TYW1: variants seen among roughly 807,000 people sequenced by gnomAD.
TYW1 encodes the protein S-adenosyl-L-methionine-dependent tRNA 4-demethylwyosine synthase TYW1.
In TYW1, 46 loss-of-function variants were observed where a neutral mutation model predicts 96.2. That is an observed-to-expected ratio of 0.48 (90% CI 0.38 to 0.61). The LOEUF is 0.61. TYW1 is among the 20% of genes least tolerant of loss of function. The pLI, the probability that TYW1 is intolerant of heterozygous loss-of-function variation, is 0.00. For missense variants in TYW1, 684 were observed against 909.6 expected (o/e 0.75, Z 3.19); for synonymous variants, 274 against 323.0 (o/e 0.85, Z 1.63).
intron 13 of TYW1, among the ~76,000 whole-genome samples, chr7:67,150,589 A>G (rs1285049019): frequency 6.6e-6 from 1 of 152,272 alleles, no homozygotes; most frequent in African/African-American, 2.4e-5. Context: ...TAAAAGGACC[A>G]AGGAAATAAT....
In TYW1 at chr7:67,238,418, T is replaced by C; in HGVS notation, c.2088T>C (p.Tyr696=). The change falls in exon 16 of 16, where the codon TAT becomes TAC. Residue 696 remains tyrosine, a synonymous_variant. Transcript: ENST00000359626. ...CAAAAACGTTCAGCGCAAAGGATTATATGGCCAGAACTCCTCACTGGGCAT... is the reference window on the plus strand; with the variant it reads ...CAAAAACGTTCAGCGCAAAGGATTACATGGCCAGAACTCCTCACTGGGCAT... ...GGSKTFSAKD[Y]MARTPHWALF... 1.2e-6 allele frequency: 2 copies of C among 1,613,866 alleles called. No homozygotes were observed. The highest frequency in any genetic ancestry group is 1.1e-5 in the South Asian group (1 of 91,080).
At chr7:67,048,598 T>C (rs552119240) in intron 7 of TYW1, among the ~76,000 whole-genome samples, 136 of 152,104 alleles carry the variant, frequency 8.9e-4, no homozygotes, top group Middle Eastern at 3.4e-3. Flanking sequence ...TGAATGAGGG[T>C]CATCTTGTCA....
At chr7:67,205,388 G>GT (rs139922077) in intron 15 of TYW1, among the ~76,000 whole-genome samples, 7,828 of 144,878 alleles carry the variant, frequency 0.054, 185 homozygotes, top group South Asian at 0.092. Context: ...GATGGAGGCG[G>GT]GGGGGGGGCC....
intron 13 of TYW1, among the ~76,000 whole-genome samples, chr7:67,125,119 C>T (rs921140448): frequency 3.3e-5 from 5 of 152,188 alleles, no homozygotes; most frequent in African/African-American, 1.2e-4. Context: ...AGGCGTGAGC[C>T]ACTGCGCCTG....
At position 67,239,038 on chromosome 7, in the gene TYW1, G is replaced by A. The variant is rs1455550374; in HGVS notation, c.*509G>A. On this transcript the variant is annotated 3_prime_UTR_variant, in exon 16 of 16. Coordinates refer to ENST00000359626, the MANE Select transcript of TYW1 (RefSeq NM_018264.4). ...AAGACAGCACCTCCTGAAAAGAATC[G>A]AAGTTGTCACAACTCTCAATTATTT... 3 of 987,982 alleles carry A rather than the reference G, an allele frequency of 3.0e-6. No homozygotes were observed. Among genetic ancestry groups the A allele is most frequent in the African/African-American group, 1.7e-5 (1 of 57,210 alleles). 61.2% of individuals were successfully genotyped at this position (987,982 alleles called of 1,614,324 possible).
chr7:67,116,343 G>T (rs150484442), intron 12 of TYW1, among the ~76,000 whole-genome samples: 4,977 of 150,028 alleles, frequency 0.033, 250 homozygotes, highest in African/African-American at 0.11. Flanking sequence ...AAAAAGAAAA[G>T]AAAAGAAAAG....
chr7:67,045,426 C>T (rs1362894521), intron 7 of TYW1, among the ~76,000 whole-genome samples: 3 of 151,992 alleles, frequency 2.0e-5, no homozygotes, highest in Admixed American at 6.6e-5. Flanking sequence ...CTATGTTGCC[C>T]AGGCTGGTTT....
chr7:67,236,221 GACCACAGCTC>G (rs1358116591), intron 15 of TYW1, among the ~76,000 whole-genome samples: 10 of 152,198 alleles, frequency 6.6e-5, no homozygotes, highest in Admixed American at 5.9e-4. Flanking sequence ...CACGTGAGAG[GACCACAGCTC>G]ACCAAGAGAT....
At chr7:67,194,236 TAA>T (rs760934311) in intron 14 of TYW1, among the ~76,000 whole-genome samples, 12 of 152,118 alleles carry the variant, frequency 7.9e-5, no homozygotes, top group Admixed American at 5.2e-4. Flanking sequence ...TAGTTGTGTG[TAA>T]AGGTATATAG....
intron 11 of TYW1, among the ~76,000 whole-genome samples, chr7:67,095,660 AAACAACAACAAC>A (rs56747081): frequency 4.9e-4 from 67 of 136,668 alleles, no homozygotes; most frequent in Non-Finnish European, 6.3e-4. Context: ...TCTGTCTCAA[AAACAACAACAAC>A]AACAACAACA....
chr7:67,171,821 CTTTTTG>C (rs1193213385), intron 13 of TYW1, among the ~76,000 whole-genome samples: 1 of 151,828 alleles, frequency 6.6e-6, no homozygotes, highest in East Asian at 1.9e-4. Flanking sequence ...CAACTTTTTT[CTTTTTG>C]TTTTTATTTT....
At chr7:67,043,453 A>G (rs1795092706) in intron 7 of TYW1, among the ~76,000 whole-genome samples, 1 of 151,508 alleles carries the variant, frequency 6.6e-6, no homozygotes, top group Non-Finnish European at 1.5e-5. Context: ...CATCAGCATC[A>G]TTAATTTTGG....
intron 15 of TYW1, among the ~76,000 whole-genome samples, chr7:67,235,667 G>A (rs1446742796): frequency 6.6e-6 from 1 of 152,030 alleles, no homozygotes; most frequent in Non-Finnish European, 1.5e-5. Flanking sequence ...CGAGATGGGC[G>A]GATCACAAGG....
intron 15 of TYW1, among the ~76,000 whole-genome samples, chr7:67,215,289 T>C (rs1412353688): frequency 1.3e-5 from 2 of 151,954 alleles, no homozygotes; most frequent in Admixed American, 6.6e-5. Flanking sequence ...CCACCCCCAC[T>C]TGACGCAGTC....
At chr7:67,157,830 GA>G (rs756230748) in intron 13 of TYW1, among the ~76,000 whole-genome samples, 1 of 152,084 alleles carries the variant, frequency 6.6e-6, no homozygotes, top group Non-Finnish European at 1.5e-5. Flanking sequence ...GGATTTTTCT[GA>G]TACTTTTCTT....
At chr7:67,225,247 G>A (rs1450949655) in intron 15 of TYW1, among the ~76,000 whole-genome samples, 1 of 148,082 alleles carries the variant, frequency 6.8e-6, no homozygotes, top group Admixed American at 6.7e-5. Context: ...AGTAGGACAC[G>A]ACTAGAATTC....
At chr7:67,154,835 A>T (rs1316283840) in intron 13 of TYW1, among the ~76,000 whole-genome samples, 1 of 152,038 alleles carries the variant, frequency 6.6e-6, no homozygotes. Flanking sequence ...TGTTTGCTTT[A>T]TGGTGTCCTG....
intron 13 of TYW1, among the ~76,000 whole-genome samples, chr7:67,159,485 C>T (rs1196218883): frequency 6.6e-6 from 1 of 152,040 alleles, no homozygotes; most frequent in Non-Finnish European, 1.5e-5. Context: ...ACATATATGT[C>T]TGATTTTAAT....
At chr7:67,026,050 A>G (rs768892230) in intron 7 of TYW1, among the ~76,000 whole-genome samples, 1 of 152,192 alleles carries the variant, frequency 6.6e-6, no homozygotes, top group Non-Finnish European at 1.5e-5. Context: ...TACATAAAAG[A>G]TAAATAATTA....
Sources: allele counts gnomAD v4.1 joint callset (sites outside exome capture counted in the v4.1 genomes callset), GRCh38; gene constraint gnomAD v4.1.1; transcripts MANE v1.5; gene names NCBI Gene and HGNC (gene_info 2026-07-23, HGNC 2026-07-21).